LMO3: variants seen among roughly 807,000 people sequenced by gnomAD.
The protein encoded by LMO3 is LIM domain only protein 3.
In LMO3, 2 loss-of-function variants were observed where a neutral mutation model predicts 15.8. The observed-to-expected ratio is 0.13, with a 90% confidence interval of 0.05 to 0.40. The LOEUF (loss-of-function observed/expected upper bound fraction) is 0.40, where lower values mean the gene tolerates loss of function less well. Among genes scored for constraint, LMO3 ranks in the 10% least tolerant of loss-of-function variants. LMO3 has a pLI of 0.99. For missense variants in LMO3, 86 were observed against 182.2 expected (o/e 0.47, Z 3.04); for synonymous variants, 62 against 63.8 (o/e 0.97, Z 0.13).
rs145093469 is a variant in LMO3, at chr12:16,564,917, C to T, written c.207-4379G>A. ...CTTCGTGCCTCAGCTCCCCAAGTAG[C>T]TGGGACCACAAGTGCATATCAACAG... On this transcript the variant is annotated intron_variant, in intron 2 of 3. Coordinates refer to ENST00000537304, the MANE Select transcript of LMO3 (RefSeq NM_018640.5). Among the ~76,000 whole-genome samples, 30 of 152,172 alleles carry T rather than the reference C, an allele frequency of 2.0e-4. No homozygotes were observed. In the East Asian group the frequency reaches 5.6e-3, roughly 28 times the overall value.
Position 16,576,179 on chromosome 12 carries a change from A to G in LMO3, c.207-15641T>C, listed in dbSNP as rs1942990991. On this transcript the variant is annotated intron_variant, in intron 2 of 3. Coordinates refer to ENST00000537304, the MANE Select transcript of LMO3 (RefSeq NM_018640.5). This position sits in a 1 kb window ranked among gnomAD's most constrained non-coding sequence, Gnocchi z 4.1. ...GTCCGCCTTCCACTCTGCAGCCGGT[A>G]GCCTTTCTATAACACAGCTCCAACC... 6.6e-6 allele frequency among the ~76,000 whole-genome samples: 1 copy of G among 152,164 alleles called. No homozygotes were observed. Among genetic ancestry groups the G allele is most frequent in the Non-Finnish European group, 1.5e-5 (1 of 68,034 alleles).
intron 1 of LMO3, among the ~76,000 whole-genome samples, chr12:16,602,874 C>T (rs900221713): frequency 1.3e-5 from 2 of 151,924 alleles, no homozygotes; most frequent in Non-Finnish European, 1.5e-5. Context: ...ACTGAAAACA[C>T]CTAGATAATA....
chr12:16,563,289 A>G (rs1021395236), intron 2 of LMO3, among the ~76,000 whole-genome samples: 2 of 152,328 alleles, frequency 1.3e-5, no homozygotes, highest in East Asian at 1.9e-4. Context: ...AGATCATTCT[A>G]TAGCTACATT....
chr12:16,557,061 T>C (rs566631607), intron 3 of LMO3, among the ~76,000 whole-genome samples: 2 of 152,328 alleles, frequency 1.3e-5, no homozygotes, highest in South Asian at 4.1e-4. Context: ...ACAGACTTAA[T>C]TGTGAATGCA....
intron 2 of LMO3, among the ~76,000 whole-genome samples, chr12:16,577,402 C>A (rs1238387090): frequency 6.6e-6 from 1 of 152,060 alleles, no homozygotes; most frequent in Non-Finnish European, 1.5e-5. Context: ...AAGTAGTTGG[C>A]AGTTATTCTT....
intron 3 of LMO3, among the ~76,000 whole-genome samples, chr12:16,557,385 T>A (rs1942230994): frequency 6.6e-6 from 1 of 150,566 alleles, no homozygotes; most frequent in African/African-American, 2.5e-5. Flanking sequence ...TTTTTTTTTT[T>A]AAACGTAATT....
intron 3 of LMO3, among the ~76,000 whole-genome samples, chr12:16,553,744 A>C (rs1942078833): frequency 6.6e-6 from 1 of 152,110 alleles, no homozygotes; most frequent in Non-Finnish European, 1.5e-5. Context: ...AATATAAAGA[A>C]ATTTCAGAGA....
At position 16,555,076 on chromosome 12, in the gene LMO3, A is replaced by C. The variant is rs1942144911; in HGVS notation, c.333-3749T>G. Among the ~76,000 whole-genome samples the C allele has an allele frequency of 6.6e-6, 1 of 152,230 alleles. No individual in the cohort carries two copies. The highest frequency in any genetic ancestry group is 2.1e-4 in the South Asian group (1 of 4,824). Reference sequence around the variant, plus strand: ...AAATGAAGCTAATAACTACCTATTTATGGGATATTTTGAGTATTAAACGAA... The same window carrying C: ...AAATGAAGCTAATAACTACCTATTTCTGGGATATTTTGAGTATTAAACGAA... On this transcript the variant is annotated intron_variant, in intron 3 of 3. Coordinates refer to ENST00000537304, the MANE Select transcript of LMO3 (RefSeq NM_018640.5). The surrounding 1 kb of genome is among the most constrained non-coding windows in gnomAD (Gnocchi z 5.5).
At position 16,604,639 on chromosome 12, in the gene LMO3, G is replaced by A. The variant is rs1159008601; in HGVS notation, c.-9+1427C>T. 1.7e-6 allele frequency: 1 copy of A among 573,178 alleles called. No homozygotes were observed. Among genetic ancestry groups the A allele is most frequent in the Admixed American group, 3.2e-5 (1 of 31,486 alleles). 35.5% of individuals were successfully genotyped at this position (573,178 alleles called of 1,614,324 possible). A position where few individuals can be genotyped will look rare whatever the true frequency, so the allele number is the denominator to read the frequency against. ...GGAGTTTATGCTCCAGCCTTTTGTG[G>A]TTGTGTCTTTGCAGCCACACAGGGA... On this transcript the variant is annotated intron_variant, in intron 1 of 3. Transcript: ENST00000537304. This position sits in a 1 kb window ranked among gnomAD's most constrained non-coding sequence, Gnocchi z 5.3.
At chr12:16,561,582 T>C (rs1430934179) in intron 2 of LMO3, among the ~76,000 whole-genome samples, 1 of 152,212 alleles carries the variant, frequency 6.6e-6, no homozygotes, top group African/African-American at 2.4e-5. Flanking sequence ...AAATGTACTT[T>C]TAAAAACCTT....
intron 2 of LMO3, among the ~76,000 whole-genome samples, chr12:16,561,565 G>T (rs2137342837): frequency 6.6e-6 from 1 of 152,256 alleles, no homozygotes; most frequent in Admixed American, 6.5e-5. Flanking sequence ...ACTCATTTTG[G>T]TTATAAAAAT....
At chr12:16,572,339 C>CTTTTTTTTTTTTTTTTTTTTTTT (rs59773866) in intron 2 of LMO3, among the ~76,000 whole-genome samples, 3 of 89,530 alleles carry the variant, frequency 3.4e-5, no homozygotes, top group Non-Finnish European at 4.2e-5. Context: ...GGTCCAAACT[C>CTTTTTTTTTTTTTTTTTTTTTTT]TTTTTTTTTT....
chr12:16,551,768 T>TCAAA (rs1941999088), intron 3 of LMO3, among the ~76,000 whole-genome samples: 2 of 152,046 alleles, frequency 1.3e-5, no homozygotes, highest in South Asian at 4.1e-4. Context: ...TTAAAATGAA[T>TCAAA]CAAACAATTA....
chr12:16,608,097 T>G (rs1236439541), upstream of LMO3: 1 of 152,282 alleles, frequency 6.6e-6, no homozygotes, highest in Non-Finnish European at 1.5e-5. The surrounding 1 kb of genome is among the most constrained non-coding windows in gnomAD (Gnocchi z 4.1). Context: ...CTACCCCACC[T>G]CTCTGCTACA....
At position 16,576,202 on chromosome 12, in the gene LMO3, A is replaced by G. The variant is rs1942991776; in HGVS notation, c.207-15664T>C. Reference sequence around the variant, plus strand: ...GTAGCCTTTCTATAACACAGCTCCAACCCATTGATCCTGCTTATAACCTTC... The same window carrying G: ...GTAGCCTTTCTATAACACAGCTCCAGCCCATTGATCCTGCTTATAACCTTC... On this transcript the variant is annotated intron_variant, in intron 2 of 3. Coordinates refer to ENST00000537304, the MANE Select transcript of LMO3 (RefSeq NM_018640.5). This position sits in a 1 kb window ranked among gnomAD's most constrained non-coding sequence, Gnocchi z 4.1. Among the ~76,000 whole-genome samples, 1 of 152,070 alleles carries G rather than the reference A, an allele frequency of 6.6e-6. No homozygotes were observed. The highest frequency in any genetic ancestry group is 1.5e-5 in the Non-Finnish European group (1 of 68,012).
chr12:16,571,570 C>G (rs1029414652), intron 2 of LMO3, among the ~76,000 whole-genome samples: 1 of 151,986 alleles, frequency 6.6e-6, no homozygotes, highest in African/African-American at 2.4e-5. Flanking sequence ...AGTCTATATA[C>G]TCATGTTATC....
intron 2 of LMO3, among the ~76,000 whole-genome samples, chr12:16,572,339 C>CTTTTTTTTTTTT (rs59773866): frequency 3.4e-5 from 3 of 89,530 alleles, no homozygotes; most frequent in Non-Finnish European, 6.2e-5. Context: ...GGTCCAAACT[C>CTTTTTTTTTTTT]TTTTTTTTTT....
At position 16,550,141 on chromosome 12, in the gene LMO3, ACT is replaced by A. The variant is rs1941933141; in HGVS notation, c.*1079_*1080del. The A allele has an allele frequency of 6.6e-6, 1 of 152,060 alleles. No homozygotes were observed. Among genetic ancestry groups the A allele is most frequent in the Admixed American group, 6.5e-5 (1 of 15,268 alleles). 9.4% of individuals were successfully genotyped at this position (152,060 alleles called of 1,614,324 possible). ...TGCTCCGATCAAAAGTAACCTCACT[ACT>A]CAAATACCATCATAGCTTCAATGTG... is the stretch of plus-strand genomic sequence containing the variant. On this transcript the variant is annotated 3_prime_UTR_variant, in exon 4 of 4. Coordinates refer to ENST00000537304, the MANE Select transcript of LMO3 (RefSeq NM_018640.5).
intron 1 of LMO3, chr12:16,605,614 C>T (rs899190699): frequency 1.3e-6 from 1 of 751,808 alleles, no homozygotes; most frequent in Non-Finnish European, 2.1e-6. Flanking sequence ...GGGAGGGGTC[C>T]GGAAACCCAC....
Sources: allele counts gnomAD v4.1 joint callset (sites outside exome capture counted in the v4.1 genomes callset), GRCh38; gene constraint gnomAD v4.1.1; non-coding constraint Gnocchi (gnomAD v3.1); transcripts MANE v1.5; gene names NCBI Gene and HGNC (gene_info 2026-07-23, HGNC 2026-07-21).